Variants in EPB41L2 observed in about 807,000 individuals in gnomAD.
The protein encoded by EPB41L2 is erythrocyte membrane protein band 4.1 like 2.
In EPB41L2, 43 loss-of-function variants were observed where a neutral mutation model predicts 113.0. The ratio of observed to expected loss-of-function variants is 0.38; its 90% confidence interval spans 0.30 to 0.49. The LOEUF is 0.49. Ranked by LOEUF, EPB41L2 falls within the 20% of genes least tolerant of loss-of-function variation. EPB41L2 has a pLI of 0.95. For missense variants in EPB41L2, 1,147 were observed against 1,223.4 expected (o/e 0.94, Z 0.93); for synonymous variants, 442 against 436.7 (o/e 1.01, Z -0.15).
At chr6:131,022,114 G>A (rs1789654460) in intron 1 of EPB41L2, among the ~76,000 whole-genome samples, 1 of 152,124 alleles carries the variant, frequency 6.6e-6, no homozygotes, top group South Asian at 2.1e-4. Context: ...TCCCATCACG[G>A]GGGTGATGGG....
At chr6:130,895,553 A>T (rs778597736) in intron 8 of EPB41L2, among the ~76,000 whole-genome samples, 14 of 152,182 alleles carry the variant, frequency 9.2e-5, no homozygotes, top group Non-Finnish European at 1.8e-4. Context: ...CTTTAGGTGC[A>T]TTTACCTCAG....
chr6:131,011,665 T>G (rs1289353603), intron 1 of EPB41L2, among the ~76,000 whole-genome samples: 3 of 152,226 alleles, frequency 2.0e-5, no homozygotes, highest in Admixed American at 2.0e-4. Flanking sequence ...ATATCTTTGA[T>G]GGGTATTCCT....
chr6:130,885,371 T>A, intron 11 of EPB41L2, 103 bp from the exon 12 acceptor site: 1 of 1,071,962 alleles, frequency 9.3e-7, no homozygotes, highest in Non-Finnish European at 1.4e-6. Context: ...ATATAAATAG[T>A]GAACAGGAAC....
intron 19 of EPB41L2, 87 bp from the exon 20 acceptor site, chr6:130,840,685 G>C (rs1435778497): frequency 1.3e-5 from 2 of 148,916 alleles, no homozygotes; most frequent in Non-Finnish European, 3.0e-5. Flanking sequence ...CATTCATCAA[G>C]TTTTCAATCA....
chr6:131,030,659 T>G (rs1055175319), intron 1 of EPB41L2, among the ~76,000 whole-genome samples: 36 of 152,230 alleles, frequency 2.4e-4, no homozygotes, highest in African/African-American at 8.0e-4. Context: ...ATGATTCCAC[T>G]AGGCCCATTT....
At chr6:130,987,066 T>C (rs1281309159) in intron 1 of EPB41L2, among the ~76,000 whole-genome samples, 1 of 152,194 alleles carries the variant, frequency 6.6e-6, no homozygotes, top group African/African-American at 2.4e-5. Flanking sequence ...ACTTCCTTCA[T>C]CTGTATGCCC....
chr6:131,049,564 G>C (rs1796139173), intron 1 of EPB41L2, among the ~76,000 whole-genome samples: 1 of 152,164 alleles, frequency 6.6e-6, no homozygotes, highest in Non-Finnish European at 1.5e-5. Flanking sequence ...ACTAAACAGA[G>C]TACTGGGAAA....
intron 1 of EPB41L2, among the ~76,000 whole-genome samples, chr6:131,038,922 C>T (rs1338906): frequency 0.17 from 26,306 of 152,088 alleles, 2,462 homozygotes; most frequent in African/African-American, 0.25. Flanking sequence ...AAAGAGTGAC[C>T]ATTTTCCACA....
chr6:131,018,825 T>C (rs1318868715), intron 1 of EPB41L2, among the ~76,000 whole-genome samples: 2 of 152,184 alleles, frequency 1.3e-5, no homozygotes, highest in East Asian at 3.8e-4. Flanking sequence ...ACTGCTCCTA[T>C]AGTGTAACAA....
At chr6:130,902,763 T>C (rs1796650706) in intron 6 of EPB41L2, among the ~76,000 whole-genome samples, 1 of 152,182 alleles carries the variant, frequency 6.6e-6, no homozygotes, top group Non-Finnish European at 1.5e-5. Context: ...ACATTGGTCC[T>C]TTCCTCTGTT....
intron 4 of EPB41L2, among the ~76,000 whole-genome samples, chr6:130,920,744 A>C (rs529098885): frequency 6.6e-6 from 1 of 152,204 alleles, no homozygotes; most frequent in South Asian, 2.1e-4. Flanking sequence ...TCCAGGGCTC[A>C]ACTGATCCTC....
chr6:131,005,489 A>G (rs962598146), intron 1 of EPB41L2, among the ~76,000 whole-genome samples: 11 of 152,174 alleles, frequency 7.2e-5, no homozygotes, highest in Non-Finnish European at 1.6e-4. Flanking sequence ...CCACCACTCT[A>G]GAATGTTTAA....
chr6:130,883,710 G>T (rs767072679), intron 12 of EPB41L2, among the ~76,000 whole-genome samples: 1 of 152,216 alleles, frequency 6.6e-6, no homozygotes, highest in African/African-American at 2.4e-5. Context: ...AATTTTTAAA[G>T]AACTATCCTG....
chr6:130,880,535 T>A lies in EPB41L2; in HGVS notation c.1834-329A>T. On this transcript the variant is annotated intron_variant, in intron 12 of 19. Transcript: ENST00000337057. ...CGGCCAGAAAGAAGGGGAGTATTAG[T>A]GGAAACTCTACCATCAGTGCAAAGA... 9.7e-6 allele frequency: 6 copies of A among 615,994 alleles called. No individual in the cohort carries two copies. In the South Asian group the frequency reaches 1.2e-4, roughly 12 times the overall value. The allele number at this position is 615,994 out of a possible 1,614,324, so 38.2% of individuals were successfully genotyped here. A position where few individuals can be genotyped will look rare whatever the true frequency, so the allele number is the denominator to read the frequency against.
At chr6:130,950,805 A>C (rs1814650245) in intron 3 of EPB41L2, among the ~76,000 whole-genome samples, 1 of 152,224 alleles carries the variant, frequency 6.6e-6, no homozygotes, top group South Asian at 2.1e-4. Context: ...CATCACTACC[A>C]AGTTTACATT....
chr6:131,036,857 C>A (rs1793423908), intron 1 of EPB41L2, among the ~76,000 whole-genome samples: 1 of 152,142 alleles, frequency 6.6e-6, no homozygotes, highest in Non-Finnish European at 1.5e-5. Context: ...AGACAGAATT[C>A]TAGGGCACAG....
intron 14 of EPB41L2, 83 bp downstream of exon 14, chr6:130,878,021 C>A: frequency 7.3e-7 from 1 of 1,368,342 alleles, no homozygotes; most frequent in Non-Finnish European, 9.6e-7. Flanking sequence ...TGTAACTTCC[C>A]TAGACTCAAC....
chr6:130,991,020 G>A (rs886747613), intron 1 of EPB41L2, among the ~76,000 whole-genome samples: 11 of 151,760 alleles, frequency 7.2e-5, no homozygotes, highest in African/African-American at 9.7e-5. Context: ...TAGTAGAGAC[G>A]GAGTTTCACC....
At chr6:130,880,752 G>C in intron 12 of EPB41L2, 1 of 383,544 alleles carries the variant, frequency 2.6e-6, no homozygotes, top group African/African-American at 2.1e-5. Flanking sequence ...ATTATGCTCT[G>C]CTTTTGAATA....
Sources: gnomAD v4.1 joint callset for allele counts (sites outside exome capture counted in the v4.1 genomes callset) on GRCh38, gnomAD v4.1.1 for gene constraint, MANE v1.5 for transcripts, NCBI Gene and HGNC (gene_info 2026-07-23, HGNC 2026-07-21) for gene names.